The following RANBP2 variants were observed in gnomAD, a reference collection of about 807,000 sequenced individuals.
RANBP2 encodes E3 SUMO-protein ligase RanBP2.
RANBP2 carries 57 observed loss-of-function variants against 303.6 expected under a neutral mutation model. That is an observed-to-expected ratio of 0.19 (90% CI 0.15 to 0.23). RANBP2 has a LOEUF of 0.23. RANBP2 is among the 10% of genes least tolerant of loss of function. The pLI is 1.00. For missense variants in RANBP2, 3,138 were observed against 3,780.8 expected, an observed-to-expected ratio of 0.83 and a Z score of 4.46; for synonymous variants, 1,167 against 1,301.5, an observed-to-expected ratio of 0.90 and a Z score of 2.23.
chr2:109,470,903 A>G, the RANBP2 span, among the ~76,000 whole-genome samples: 2 of 152,170 alleles, frequency 1.3e-5, no homozygotes, highest in African/African-American at 2.4e-5. Context: ...GTATTAGTCA[A>G]TTTTCACACT....
chr2:108,736,338 C>T, intron 6 of RANBP2, 89 bp downstream of exon 6: 2 of 1,605,264 alleles, frequency 1.2e-6, no homozygotes, highest in Non-Finnish European at 1.7e-6. Context: ...TTCACTGAAT[C>T]ATTATTTGTA....
chr2:109,000,490 G>C, the RANBP2 span, among the ~76,000 whole-genome samples: 27 of 152,132 alleles, frequency 1.8e-4, no homozygotes, highest in Non-Finnish European at 2.4e-4. Context: ...CTATGGTCAC[G>C]CCACTGCACT....
At chr2:109,057,860 T>C in the RANBP2 span, among the ~76,000 whole-genome samples, 1 of 152,194 alleles carries the variant, frequency 6.6e-6, no homozygotes, top group Non-Finnish European at 1.5e-5. Context: ...TGGGTCTGCC[T>C]GGCTGGCTCC....
chr2:109,280,552 AAT>A, the RANBP2 span, among the ~76,000 whole-genome samples: 1 of 152,204 alleles, frequency 6.6e-6, no homozygotes, highest in African/African-American at 2.4e-5. Context: ...CAGTCATTGA[AAT>A]ATGGGGTTTC....
the RANBP2 span, among the ~76,000 whole-genome samples, chr2:109,643,790 C>T: frequency 2.7e-5 from 4 of 146,348 alleles, no homozygotes; most frequent in Admixed American, 6.9e-5. Flanking sequence ...AACAAAAAAC[C>T]CTGTTTCCTG....
chr2:109,284,207 G>A, the RANBP2 span, among the ~76,000 whole-genome samples: 132 of 152,324 alleles, frequency 8.7e-4, 1 homozygote, highest in Middle Eastern at 3.4e-3. Context: ...CTCAAGTGTG[G>A]TGTGACCCTC....
the RANBP2 span, among the ~76,000 whole-genome samples, chr2:108,813,545 TTA>T: frequency 6.6e-6 from 1 of 152,342 alleles, no homozygotes; most frequent in East Asian, 1.9e-4. Context: ...GCATTTGCTA[TTA>T]TATTTCAGTC....
At chr2:109,585,845 G>A in the RANBP2 span, 5 of 1,579,402 alleles carry the variant, frequency 3.2e-6, no homozygotes, top group Non-Finnish European at 4.3e-6. Flanking sequence ...TTTTCTGAAG[G>A]AAAATAAAAA....
chr2:108,955,845 C>T, the RANBP2 span, among the ~76,000 whole-genome samples: 1 of 152,018 alleles, frequency 6.6e-6, no homozygotes, highest in Non-Finnish European at 1.5e-5. Flanking sequence ...GCTAACACGG[C>T]GAAATACTGT....
At chr2:109,766,898 GTTTT>G in the RANBP2 span, among the ~76,000 whole-genome samples, 12 of 149,084 alleles carry the variant, frequency 8.0e-5, no homozygotes, top group Admixed American at 1.4e-4. Flanking sequence ...TTTTGTTGTT[GTTTT>G]ATTTCAAAGT....
chr2:109,118,779 G>GA, the RANBP2 span, among the ~76,000 whole-genome samples: 4 of 152,222 alleles, frequency 2.6e-5, no homozygotes, highest in Admixed American at 2.0e-4. Flanking sequence ...TTAGAGAAGG[G>GA]AAAATAGATA....
At chr2:109,382,529 CTG>C in the RANBP2 span, among the ~76,000 whole-genome samples, 1 of 152,224 alleles carries the variant, frequency 6.6e-6, no homozygotes, top group Non-Finnish European at 1.5e-5. Context: ...CGTCTTGCAG[CTG>C]TGTCCCCAGG....
At chr2:109,121,643 C>T in the RANBP2 span, among the ~76,000 whole-genome samples, 3 of 152,208 alleles carry the variant, frequency 2.0e-5, no homozygotes, top group South Asian at 6.2e-4. Flanking sequence ...CACGTTCCTC[C>T]CGATCCTCTG....
chr2:109,012,136 C>A, the RANBP2 span, among the ~76,000 whole-genome samples: 1 of 152,186 alleles, frequency 6.6e-6, no homozygotes, highest in Non-Finnish European at 1.5e-5. Flanking sequence ...TCTTTGGCAG[C>A]TCTGAGGTTT....
the RANBP2 span, among the ~76,000 whole-genome samples, chr2:109,146,051 G>C: frequency 6.3e-5 from 8 of 126,752 alleles, no homozygotes; most frequent in East Asian, 4.0e-4. Context: ...TGCGGGCCGA[G>C]GGAGTCCATG....
At chr2:108,875,726 A>G in the RANBP2 span, among the ~76,000 whole-genome samples, 3 of 152,212 alleles carry the variant, frequency 2.0e-5, no homozygotes, top group South Asian at 4.1e-4. Flanking sequence ...AGGTTTGGTG[A>G]TGTGCGCCTG....
chr2:109,470,156 T>G, the RANBP2 span, among the ~76,000 whole-genome samples: 8 of 152,284 alleles, frequency 5.3e-5, 1 homozygote, highest in East Asian at 1.5e-3. Context: ...CTGGGGTGGC[T>G]GGGGTGGCCC....
the RANBP2 span, among the ~76,000 whole-genome samples, chr2:108,879,534 CATT>C: frequency 4.4e-4 from 67 of 152,124 alleles, no homozygotes; most frequent in Non-Finnish European, 8.8e-4. Context: ...ATGACAGAAA[CATT>C]AATCCATGAT....
the RANBP2 span, among the ~76,000 whole-genome samples, chr2:109,327,402 C>A: frequency 6.6e-6 from 1 of 152,172 alleles, no homozygotes; most frequent in Non-Finnish European, 1.5e-5. Flanking sequence ...TTAAACTATT[C>A]TTTTGTAATT....
Sources: gnomAD v4.1 joint callset for allele counts (sites outside exome capture counted in the v4.1 genomes callset) on GRCh38, gnomAD v4.1.1 for gene constraint, MANE v1.5 for transcripts, NCBI Gene and HGNC (gene_info 2026-07-23, HGNC 2026-07-21) for gene names.